The following ERC2 variants were observed in gnomAD, a reference collection of about 807,000 sequenced individuals.
The protein encoded by ERC2 is ERC protein 2.
ERC2 carries 42 observed loss-of-function variants against 114.8 expected under a neutral mutation model. The ratio of observed to expected loss-of-function variants is 0.37; its 90% confidence interval spans 0.29 to 0.47. The LOEUF (loss-of-function observed/expected upper bound fraction) is 0.47, where lower values mean the gene tolerates loss of function less well. ERC2 is among the 20% of genes least tolerant of loss of function. The pLI, the probability that ERC2 is intolerant of heterozygous loss-of-function variation, is 0.99. For missense variants in ERC2, 939 were observed against 1,150.7 expected (o/e 0.82, Z 2.66); for synonymous variants, 454 against 425.5 (o/e 1.07, Z -0.82).
chr3:56,042,858 A>G (rs971318674), intron 7 of ERC2, among the ~76,000 whole-genome samples: 2 of 152,172 alleles, frequency 1.3e-5, no homozygotes, highest in Non-Finnish European at 2.9e-5. Context: ...AATTTTGTGT[A>G]ATTTTTCCTT....
intron 3 of ERC2, among the ~76,000 whole-genome samples, chr3:56,251,597 T>C (rs1279025101): frequency 6.6e-6 from 1 of 152,196 alleles, no homozygotes; most frequent in African/African-American, 2.4e-5. Flanking sequence ...GGATGGCATA[T>C]TTAAAACTGT....
chr3:56,316,249 T>C (rs929490013), intron 2 of ERC2, among the ~76,000 whole-genome samples: 1 of 152,208 alleles, frequency 6.6e-6, no homozygotes, highest in Admixed American at 6.6e-5. Context: ...TATTTCTTTA[T>C]TTCAGAAATC....
chr3:55,928,581 G>T (rs932065669), intron 13 of ERC2, among the ~76,000 whole-genome samples: 3 of 152,028 alleles, frequency 2.0e-5, no homozygotes, highest in African/African-American at 7.2e-5. Flanking sequence ...TTTGTTGATT[G>T]TTTCCCTTGT....
rs189973681 is a variant in ERC2 at position 55,898,419 on chromosome 3, G to A, written c.2404-9870C>T. Among the ~76,000 whole-genome samples the A allele has an allele frequency of 3.3e-4, 50 of 152,234 alleles. 1 individual carries two copies. The highest frequency in any genetic ancestry group is 7.2e-4 in the Admixed American group (11 of 15,298). ...GCAGTATAGGGATAGTAAAGGATGT[G>A]GACTCTGAAGTCAGAAAGCCTAGGT... On this transcript the variant is annotated intron_variant, in intron 13 of 17. Transcript: ENST00000288221.
chr3:56,032,973 GAAAGAGAA>G (rs1156970427), intron 7 of ERC2, among the ~76,000 whole-genome samples: 112 of 65,008 alleles, frequency 1.7e-3, no homozygotes, highest in Non-Finnish European at 2.2e-3. Flanking sequence ...AAGAAAGAAA[GAAAGAGAA>G]AGAAAGAAAG....
chr3:55,683,058 A>G (rs1247920391), intron 17 of ERC2, among the ~76,000 whole-genome samples: 1 of 152,248 alleles, frequency 6.6e-6, no homozygotes, highest in East Asian at 1.9e-4. Flanking sequence ...GCTAAAGATC[A>G]GCTTTTAAAA....
intron 13 of ERC2, among the ~76,000 whole-genome samples, chr3:55,940,233 C>G (rs977720413): frequency 4.6e-5 from 7 of 151,988 alleles, no homozygotes; most frequent in African/African-American, 1.2e-4. Flanking sequence ...TCCCCAGACC[C>G]CAGGATTTCA....
intron 2 of ERC2, among the ~76,000 whole-genome samples, chr3:56,371,119 A>T (rs1168802962): frequency 6.6e-6 from 1 of 152,192 alleles, no homozygotes; most frequent in African/African-American, 2.4e-5. Flanking sequence ...AGAATTGGTC[A>T]GCCACTCACA....
rs372010916 is a variant in ERC2 at position 56,000,872 on chromosome 3, A to G, written c.2061+6309T>C. On this transcript the variant is annotated intron_variant, in intron 10 of 17. Transcript: ENST00000288221. ...GTTTGAGACCAGTCTTAGGCAACAGAGCGAGACTTCGTCTTAAGTTTAAAA... is the reference window on the plus strand; with the variant it reads ...GTTTGAGACCAGTCTTAGGCAACAGGGCGAGACTTCGTCTTAAGTTTAAAA... Among the ~76,000 whole-genome samples the G allele has an allele frequency of 4.6e-5, 7 of 150,658 alleles. No homozygotes were observed. The East Asian group carries it at 9.8e-4, about 21-fold the overall frequency.
Position 56,032,726 on chromosome 3 carries a change from G to A in ERC2, c.1642-13695C>T, listed in dbSNP as rs547813749. On this transcript the variant is annotated intron_variant, in intron 7 of 17. Coordinates refer to ENST00000288221, the MANE Select transcript of ERC2 (RefSeq NM_015576.3). ...CTTGGAACCCCAACCAGGCACTGTG[G>A]TGTGGCACATTCCTGTACTACCAGC... 8.7e-4 allele frequency among the ~76,000 whole-genome samples: 132 copies of A among 151,804 alleles called. 1 individual carries two copies. The highest frequency in any genetic ancestry group is 4.5e-3 in the Admixed American group (68 of 15,198).
At chr3:56,197,287 C>T (rs988323760) in intron 3 of ERC2, among the ~76,000 whole-genome samples, 3 of 152,160 alleles carry the variant, frequency 2.0e-5, no homozygotes, top group African/African-American at 7.2e-5. Context: ...ATGCTTGCTT[C>T]ACAGGGATAA....
intron 3 of ERC2, among the ~76,000 whole-genome samples, chr3:56,285,572 A>C (rs372876102): frequency 1.3e-5 from 2 of 152,184 alleles, no homozygotes; most frequent in East Asian, 3.9e-4. Flanking sequence ...GCCCAGCTCA[A>C]ACAGATGCGA....
chr3:56,082,905 G>A (rs1417568216), intron 6 of ERC2, among the ~76,000 whole-genome samples: 2 of 152,066 alleles, frequency 1.3e-5, no homozygotes, highest in East Asian at 3.9e-4. Context: ...AGTTCACAAT[G>A]GGGTTCACTC....
intron 13 of ERC2, among the ~76,000 whole-genome samples, chr3:55,921,567 A>G (rs2065432680): frequency 6.6e-6 from 1 of 152,150 alleles, no homozygotes; most frequent in Non-Finnish European, 1.5e-5. Flanking sequence ...TGAGATGCTG[A>G]GACAATGAAT....
intron 4 of ERC2, among the ~76,000 whole-genome samples, chr3:56,168,141 T>A (rs1036500030): frequency 6.6e-6 from 1 of 152,224 alleles, no homozygotes; most frequent in Non-Finnish European, 1.5e-5. Flanking sequence ...CCAATCTGAC[T>A]AGCTGCAGGA....
chr3:55,624,337 C>T (rs2059428851), intron 17 of ERC2, among the ~76,000 whole-genome samples: 1 of 152,138 alleles, frequency 6.6e-6, no homozygotes, highest in South Asian at 2.1e-4. Context: ...GTAGTTGAAC[C>T]TAATATGGTT....
intron 12 of ERC2, among the ~76,000 whole-genome samples, chr3:55,976,348 G>A (rs573749031): frequency 7.2e-5 from 11 of 152,240 alleles, no homozygotes; most frequent in African/African-American, 2.6e-4. Flanking sequence ...TGAAGCAAGA[G>A]TTGGCTCACC....
At chr3:55,906,877 T>A (rs1352411846) in intron 13 of ERC2, among the ~76,000 whole-genome samples, 3 of 152,210 alleles carry the variant, frequency 2.0e-5, no homozygotes, top group African/African-American at 7.2e-5. Flanking sequence ...CCCTGGCTCA[T>A]TTCTATTCAA....
intron 2 of ERC2, among the ~76,000 whole-genome samples, chr3:56,300,280 C>CAAAAAAAAA (rs200816892): frequency 4.3e-5 from 4 of 93,192 alleles, no homozygotes; most frequent in East Asian, 2.9e-4. Flanking sequence ...TCATGAAATA[C>CAAAAAAAAA]AAAAAAAAAA....
Sources: gnomAD v4.1 joint callset for allele counts (sites outside exome capture counted in the v4.1 genomes callset) on GRCh38, gnomAD v4.1.1 for gene constraint, MANE v1.5 for transcripts, NCBI Gene and HGNC (gene_info 2026-07-23, HGNC 2026-07-21) for gene names.